The following TMEM132B variants were observed in gnomAD, a reference collection of about 807,000 sequenced individuals.
TMEM132B encodes the protein transmembrane protein 132B.
TMEM132B carries 18 observed loss-of-function variants against 90.8 expected under a neutral mutation model. The ratio of observed to expected loss-of-function variants is 0.20; its 90% CI spans 0.14 to 0.29. TMEM132B has a LOEUF of 0.29. Among genes scored for constraint, TMEM132B ranks in the 10% least tolerant of loss-of-function variants. TMEM132B has a pLI of 1.00. For missense variants in TMEM132B, 1,096 were observed against 1,326.8 expected (o/e 0.83, Z 2.70); for synonymous variants, 504 against 523.3 (o/e 0.96, Z 0.50).
At chr12:125,634,287 G>A (rs79566059) in intron 5 of TMEM132B, among the ~76,000 whole-genome samples, 1,913 of 152,230 alleles carry the variant, frequency 0.013, 60 homozygotes, top group African/African-American at 0.044. Context: ...TCAGCTTGTA[G>A]TGAAGGCTAC....
intron 5 of TMEM132B, among the ~76,000 whole-genome samples, chr12:125,629,207 G>A (rs559157570): frequency 6.6e-6 from 1 of 152,086 alleles, no homozygotes; most frequent in African/African-American, 2.4e-5. Flanking sequence ...TATTTTGATA[G>A]GGATTGCATT....
intron 5 of TMEM132B, among the ~76,000 whole-genome samples, chr12:125,619,003 C>A (rs1444645577): frequency 1.3e-5 from 2 of 152,162 alleles, no homozygotes; most frequent in African/African-American, 4.8e-5. Flanking sequence ...GGGCAGCAAG[C>A]ATTCTGCTCC....
At chr12:125,237,460 A>AT (rs1429397747) in intron 1 of TMEM132B, among the ~76,000 whole-genome samples, 3 of 151,666 alleles carry the variant, frequency 2.0e-5, no homozygotes, top group Admixed American at 6.6e-5. Flanking sequence ...TTTTATTTTT[A>AT]TTTTTTTGAG....
chr12:125,605,455 A>T (rs74722931), intron 5 of TMEM132B, among the ~76,000 whole-genome samples: 2,345 of 152,296 alleles, frequency 0.015, 64 homozygotes, highest in African/African-American at 0.053. Context: ...AGAGTGAGAA[A>T]AAGAAAGCAA....
intron 1 of TMEM132B, among the ~76,000 whole-genome samples, chr12:125,307,454 GAAT>G (rs1876001172): frequency 6.6e-6 from 1 of 152,064 alleles, no homozygotes; most frequent in South Asian, 2.1e-4. Flanking sequence ...TGTAAAATAG[GAAT>G]AATAATAGCA....
intron 2 of TMEM132B, among the ~76,000 whole-genome samples, chr12:125,356,464 A>C (rs1877777139): frequency 6.6e-6 from 1 of 152,206 alleles, no homozygotes; most frequent in African/African-American, 2.4e-5. Context: ...TTCAGGCCAA[A>C]CACCCAGTAA....
intron 1 of TMEM132B, among the ~76,000 whole-genome samples, chr12:125,259,195 T>C (rs1160300490): frequency 1.8e-4 from 27 of 152,194 alleles, no homozygotes; most frequent in Non-Finnish European, 2.9e-5. Flanking sequence ...CTGAAATTAT[T>C]TGTCTACTTC....
chr12:125,198,478 C>A (rs1449385121), intron 1 of TMEM132B, among the ~76,000 whole-genome samples: 1 of 152,190 alleles, frequency 6.6e-6, no homozygotes, highest in Admixed American at 6.5e-5. Context: ...TGTCCTCCAA[C>A]CAGCGGAAAT....
intron 1 of TMEM132B, among the ~76,000 whole-genome samples, chr12:125,322,339 A>T (rs1449183534): frequency 2.0e-5 from 3 of 152,236 alleles, no homozygotes; most frequent in South Asian, 2.1e-4. Context: ...CTCCCCAGCC[A>T]TGTGGAACTG....
intron 3 of TMEM132B, among the ~76,000 whole-genome samples, chr12:125,480,243 A>G (rs1882002210): frequency 6.6e-6 from 1 of 152,218 alleles, no homozygotes; most frequent in Non-Finnish European, 1.5e-5. Context: ...GCAGAAGGCA[A>G]GAAATAATTA....
intron 3 of TMEM132B, among the ~76,000 whole-genome samples, chr12:125,505,197 A>C (rs1031118090): frequency 3.5e-5 from 5 of 143,820 alleles, no homozygotes; most frequent in African/African-American, 1.3e-4. Flanking sequence ...AAAAAAAAAC[A>C]GTAAGTGGGG....
intron 1 of TMEM132B, among the ~76,000 whole-genome samples, chr12:125,303,638 T>TC (rs1312428063): frequency 6.6e-6 from 1 of 152,236 alleles, no homozygotes; most frequent in Non-Finnish European, 1.5e-5. Flanking sequence ...CCATGTATTT[T>TC]CCCAGACATT....
At chr12:125,493,493 C>T (rs987095318) in intron 3 of TMEM132B, among the ~76,000 whole-genome samples, 6 of 152,078 alleles carry the variant, frequency 3.9e-5, no homozygotes, top group African/African-American at 7.2e-5. Flanking sequence ...GAGGGAACGT[C>T]GACTACCCAG....
At chr12:125,647,636 T>C (rs1425496760) in intron 6 of TMEM132B, among the ~76,000 whole-genome samples, 18 of 152,124 alleles carry the variant, frequency 1.2e-4, no homozygotes, top group Admixed American at 1.2e-3. Flanking sequence ...CATTCTTAAA[T>C]GAACAAAAGT....
intron 5 of TMEM132B, among the ~76,000 whole-genome samples, chr12:125,603,218 T>C (rs1363354881): frequency 6.6e-6 from 1 of 152,162 alleles, no homozygotes; most frequent in Non-Finnish European, 1.5e-5. Context: ...ACTACAAGGC[T>C]ACAGTAACTG....
At position 125,657,903 on chromosome 12, in the gene TMEM132B, G is replaced by A. The variant is rs1206895310; in HGVS notation, c.*3193G>A. The A allele has an allele frequency of 6.6e-6, 1 of 152,252 alleles. No individual in the cohort carries two copies. The highest frequency in any genetic ancestry group is 2.4e-5 in the African/African-American group (1 of 41,438). 9.4% of individuals were successfully genotyped at this position (152,252 alleles called of 1,614,324 possible). A position where few individuals can be genotyped will look rare whatever the true frequency, so the allele number is the denominator to read the frequency against. ...TGAGGATTGCAACCGCTGCCTCCAG[G>A]GTCCAGATGTGCTGCAGTAGAGGGC... is the stretch of plus-strand genomic sequence containing the variant. On this transcript the variant is annotated 3_prime_UTR_variant, in exon 9 of 9. Coordinates refer to ENST00000682704, the MANE Select transcript of TMEM132B (RefSeq NM_001366854.1).
chr12:125,651,008 A>G, intron 7 of TMEM132B, 55 bp downstream of exon 7: 1 of 1,596,292 alleles, frequency 6.3e-7, no homozygotes, highest in East Asian at 2.2e-5. Context: ...GTGGCCAGGT[A>G]GATGCTGTTG....
At chr12:125,312,135 T>C (rs1175337258) in intron 1 of TMEM132B, among the ~76,000 whole-genome samples, 1 of 152,178 alleles carries the variant, frequency 6.6e-6, no homozygotes, top group Non-Finnish European at 1.5e-5. Context: ...ATCTTCCAGT[T>C]TTTCAAGAGA....
In TMEM132B at chr12:125,458,887, C is replaced by T. The variant is rs1304430876; in HGVS notation, c.1106+43210C>T. 2.0e-5 allele frequency among the ~76,000 whole-genome samples: 3 copies of T among 152,200 alleles called. No individual in the cohort carries two copies. The highest frequency in any genetic ancestry group is 4.4e-5 in the Non-Finnish European group (3 of 68,038). ...TCTTTATTTTAGTTCCATGCTATGACACTCCTGACAGCACAGATGTGGCAG... is the reference window on the plus strand; with the variant it reads ...TCTTTATTTTAGTTCCATGCTATGATACTCCTGACAGCACAGATGTGGCAG... On this transcript the variant is annotated intron_variant, in intron 3 of 8. Coordinates refer to ENST00000682704, the MANE Select transcript of TMEM132B (RefSeq NM_001366854.1). This position sits in a 1 kb window ranked among gnomAD's most constrained non-coding sequence, Gnocchi z 4.9.
Sources: gnomAD v4.1 joint callset for allele counts (sites outside exome capture counted in the v4.1 genomes callset) on GRCh38, gnomAD v4.1.1 for gene constraint, Gnocchi (gnomAD v3.1) non-coding constraint, MANE v1.5 for transcripts, NCBI Gene and HGNC (gene_info 2026-07-23, HGNC 2026-07-21) for gene names.